The following GALNT2 variants were observed in gnomAD, a reference collection of about 807,000 sequenced individuals.
GALNT2 encodes polypeptide N-acetylgalactosaminyltransferase 2.
Under a neutral mutation model 81.4 loss-of-function variants are expected in GALNT2, and 31 were observed. That is an observed-to-expected ratio of 0.38 (90% confidence interval 0.29 to 0.51). The LOEUF is 0.51. Among genes scored for constraint, GALNT2 ranks in the 20% least tolerant of loss-of-function variants. The pLI is 0.87. For missense variants in GALNT2, 629 were observed against 765.7 expected, an observed-to-expected ratio of 0.82 and a Z score of 2.11; for synonymous variants, 303 against 287.4, an observed-to-expected ratio of 1.05 and a Z score of -0.55.
chr1:230,236,884 A>AT (rs1203934120), intron 6 of GALNT2, among the ~76,000 whole-genome samples, 159 bp downstream of exon 6: 2 of 152,234 alleles, frequency 1.3e-5, no homozygotes, highest in African/African-American at 4.8e-5. Context: ...CAAACACAGG[A>AT]AAGACATTAA....
intron 1 of GALNT2, among the ~76,000 whole-genome samples, chr1:230,119,811 A>T (rs1660958640): frequency 6.6e-6 from 1 of 152,042 alleles, no homozygotes; most frequent in Non-Finnish European, 1.5e-5. Context: ...ATTTCAGCTT[A>T]TTCCAGTTAT....
chr1:230,189,342 G>A (rs1250676612), intron 2 of GALNT2, among the ~76,000 whole-genome samples: 2 of 152,142 alleles, frequency 1.3e-5, no homozygotes, highest in South Asian at 2.1e-4. Context: ...CCGATGTGCT[G>A]TTGGTTCAGT....
In GALNT2 at chr1:230,167,209, G is replaced by A. The variant is rs528000450; in HGVS notation, c.127-11009G>A. On this transcript the variant is annotated intron_variant, in intron 1 of 15. Transcript: ENST00000366672. ...TGCCCAGGCTGGAGTGCGATGATGC[G>A]ATCCTGGCTCACTGCAGCCTCAAAC... is the stretch of plus-strand genomic sequence containing the variant. Among the ~76,000 whole-genome samples the A allele has an allele frequency of 5.9e-5, 9 of 152,070 alleles. No individual in the cohort carries two copies. In the East Asian group the frequency reaches 7.7e-4, roughly 13 times the overall value.
rs16851339 is a variant in GALNT2 at position 230,281,086 on chromosome 1, T to A, written c.*1628T>A. 0.17 allele frequency: 26,558 copies of A among 152,240 alleles called. 2,577 individuals are homozygous for A. Among genetic ancestry groups the A allele is most frequent in the South Asian group, 0.28 (1,354 of 4,826 alleles). The allele number at this position is 152,240 out of a possible 1,614,324, so 9.4% of individuals were successfully genotyped here. ...TTAGGCACACCTGCAGGCCCCTCGG[T>A]GGGACAGCGGCGGCCTTGGAGTTAG... On this transcript the variant is annotated 3_prime_UTR_variant, in exon 16 of 16. Coordinates refer to ENST00000366672, the MANE Select transcript of GALNT2 (RefSeq NM_004481.5).
upstream of GALNT2, among the ~76,000 whole-genome samples, chr1:230,066,944 C>T (rs1322943110): frequency 6.6e-6 from 1 of 150,394 alleles, no homozygotes; most frequent in South Asian, 2.1e-4. Context: ...CGGCGGAGCC[C>T]GGCGTGCTGC....
intron 3 of GALNT2, among the ~76,000 whole-genome samples, chr1:230,217,978 G>C (rs1664440028): frequency 6.6e-6 from 1 of 152,226 alleles, no homozygotes; most frequent in South Asian, 2.1e-4. Flanking sequence ...GTAGGTTTGG[G>C]AGCAGAGGAA....
chr1:230,081,871 C>T (rs1043678586), intron 1 of GALNT2, among the ~76,000 whole-genome samples: 1 of 152,244 alleles, frequency 6.6e-6, no homozygotes, highest in African/African-American at 2.4e-5. Context: ...CCTGCTGTTA[C>T]TACGGAGTAG....
intron 10 of GALNT2, 82 bp downstream of exon 10, chr1:230,250,642 A>G (rs933564057): frequency 5.1e-6 from 5 of 972,070 alleles, no homozygotes; most frequent in Non-Finnish European, 7.8e-6. Flanking sequence ...AAAAAATTTA[A>G]AAGGCTTCAG....
rs546161548 is a variant in GALNT2 at position 230,154,916 on chromosome 1, G to GT, written c.127-23301dup. On this transcript the variant is annotated intron_variant, in intron 1 of 15. Coordinates refer to ENST00000366672, the MANE Select transcript of GALNT2 (RefSeq NM_004481.5). ...ATTTATAACTCACCTTATCACATTG[G>GT]TAACTTGTGGTTTTATCATTTGGCA... 3.9e-3 allele frequency among the ~76,000 whole-genome samples: 594 copies of GT among 152,268 alleles called. 9 individuals are homozygous for GT. Among genetic ancestry groups the GT allele is most frequent in the African/African-American group, 0.014 (561 of 41,550 alleles).
chr1:230,093,136 C>T (rs1052442348), intron 1 of GALNT2, among the ~76,000 whole-genome samples: 4 of 152,186 alleles, frequency 2.6e-5, no homozygotes, highest in Non-Finnish European at 4.4e-5. Context: ...TTCAGTTGAA[C>T]GTGCAATTGT....
At chr1:230,274,083 A>C (rs1572164344) in intron 14 of GALNT2, among the ~76,000 whole-genome samples, 1 of 152,254 alleles carries the variant, frequency 6.6e-6, no homozygotes, top group Admixed American at 6.5e-5. Flanking sequence ...CCTGGTGTAT[A>C]ACCAAGCTTG....
At position 230,279,680 on chromosome 1, in the gene GALNT2, G is replaced by A. The variant is rs560587979; in HGVS notation, c.*222G>A. On this transcript the variant is annotated 3_prime_UTR_variant, in exon 16 of 16. Coordinates refer to ENST00000366672, the MANE Select transcript of GALNT2 (RefSeq NM_004481.5). The surrounding 1 kb of genome is among the most constrained non-coding windows in gnomAD (Gnocchi z 4.6). ...CCCCTCCTCTCGGTGCAGCCCAGCC[G>A]GGCCCCCTTCCCCAGGCCGGAGCGC... The A allele has an allele frequency of 4.3e-5, 26 of 605,362 alleles. No homozygotes were observed. In the Middle Eastern group the frequency reaches 1.4e-3, roughly 32 times the overall value. The allele number at this position is 605,362 out of a possible 1,614,324, so 37.5% of individuals were successfully genotyped here. A position where few individuals can be genotyped will look rare whatever the true frequency, so the allele number is the denominator to read the frequency against.
chr1:230,262,904 T>A lies in GALNT2; in HGVS notation c.1230-18T>A. On this transcript the variant is annotated intron_variant, in intron 12 of 15. Coordinates refer to ENST00000366672, the MANE Select transcript of GALNT2 (RefSeq NM_004481.5). The stretch of plus-strand genomic sequence containing the variant: ...ATTCTTAAAATTTATAAAGGAATCT[T>A]ATTTCCCTCTTCTCCAGTATTCAGA... 1 of 1,608,744 alleles carries A rather than the reference T, an allele frequency of 6.2e-7. No homozygotes were observed. Among genetic ancestry groups the A allele is most frequent in the Non-Finnish European group, 8.5e-7 (1 of 1,175,604 alleles).
chr1:230,090,799 TA>T (rs1660048474), intron 1 of GALNT2, among the ~76,000 whole-genome samples: 1 of 152,206 alleles, frequency 6.6e-6, no homozygotes, highest in Non-Finnish European at 1.5e-5. Context: ...TGAGTTAAAG[TA>T]AGAGAGAGAC....
chr1:230,093,006 C>G (rs1011066973), intron 1 of GALNT2, among the ~76,000 whole-genome samples: 3 of 152,162 alleles, frequency 2.0e-5, no homozygotes, highest in African/African-American at 7.2e-5. Flanking sequence ...TCCTGCGTGG[C>G]AGGTATGTTA....
At chr1:230,124,475 C>G (rs58480936) in intron 1 of GALNT2, among the ~76,000 whole-genome samples, 8,756 of 152,186 alleles carry the variant, frequency 0.058, 694 homozygotes, top group East Asian at 0.33. Flanking sequence ...TTGAGTTCTC[C>G]CTAAATCTAC....
intron 5 of GALNT2, 62 bp from the exon 6 acceptor site, chr1:230,236,598 T>C (rs1288434801): frequency 3.2e-5 from 49 of 1,532,880 alleles, no homozygotes; most frequent in Non-Finnish European, 4.3e-5. Flanking sequence ...AATACTATGG[T>C]TGAATGCAAA....
At chr1:230,263,755 C>T (rs1227650895) in intron 13 of GALNT2, 2 of 152,232 alleles carry the variant, frequency 1.3e-5, no homozygotes, top group African/African-American at 4.8e-5. Context: ...CGGCACATTC[C>T]TTATTCTAAA....
At position 230,264,884 on chromosome 1, in the gene GALNT2, A is replaced by G. The variant is rs1665985679; in HGVS notation, c.1314-357A>G. Reference sequence around the variant, plus strand: ...AGATCCTAAGTGTATTGGAAAGTTCAAGGCAACAGGATCTGACCACATTGA... The same window carrying G: ...AGATCCTAAGTGTATTGGAAAGTTCGAGGCAACAGGATCTGACCACATTGA... On this transcript the variant is annotated intron_variant, in intron 13 of 15. Coordinates refer to ENST00000366672, the MANE Select transcript of GALNT2 (RefSeq NM_004481.5). 9 of 194,792 alleles carry G rather than the reference A, an allele frequency of 4.6e-5. No individual in the cohort carries two copies. In the South Asian group the frequency reaches 1.0e-3, roughly 22 times the overall value. 12.1% of individuals were successfully genotyped at this position (194,792 alleles called of 1,614,324 possible). A position where few individuals can be genotyped will look rare whatever the true frequency, so the allele number is the denominator to read the frequency against.
Sources: gnomAD v4.1 joint callset for allele counts (sites outside exome capture counted in the v4.1 genomes callset) on GRCh38, gnomAD v4.1.1 for gene constraint, Gnocchi (gnomAD v3.1) non-coding constraint, MANE v1.5 for transcripts, NCBI Gene and HGNC (gene_info 2026-07-23, HGNC 2026-07-21) for gene names.